TCN2: variants seen among roughly 807,000 people sequenced by gnomAD.
TCN2 encodes the protein transcobalamin 2, also known as transcobalamin-2.
A neutral mutation model predicts 48.6 loss-of-function variants in TCN2; 34 were observed. That is an observed-to-expected ratio of 0.70 (90% CI 0.53 to 0.93). The LOEUF (loss-of-function observed/expected upper bound fraction) is 0.93, where lower values mean the gene tolerates loss of function less well. TCN2 is among the 40% of genes least tolerant of loss of function. TCN2 has a pLI of 0.00. For synonymous variants in TCN2, 283 were observed against 212.5 expected, an observed-to-expected ratio of 1.33 and a Z score of -2.89; for missense variants, 652 against 526.1, an observed-to-expected ratio of 1.24 and a Z score of -2.34.
At position 30,610,876 on chromosome 22, in the gene TCN2, C is replaced by A. The variant is rs755866662; in HGVS notation, c.70C>A (p.Pro24Thr). Residue 24 changes from proline (P) to threonine (T), a missense_variant, in exon 2 of 9, where the codon CCA becomes ACA. Coordinates refer to ENST00000215838, the MANE Select transcript of TCN2 (RefSeq NM_000355.4). ...LGALTEMCEIPEMDSHLVEKL... is the reference protein window; with the variant it reads ...LGALTEMCEITEMDSHLVEKL... ...GTACCATTTTCTTTTCTAAGAAATA[C>A]CAGAGATGGACAGCCATCTGGTAGA... is the stretch of plus-strand genomic sequence containing the variant. 2.2e-5 allele frequency: 36 copies of A among 1,614,000 alleles called. No homozygotes were observed. Among genetic ancestry groups the A allele is most frequent in the Non-Finnish European group, 2.8e-5 (33 of 1,180,024 alleles).
At position 30,612,975 on chromosome 22, in the gene TCN2, G is replaced by A. The variant is rs115272037; in HGVS notation, c.360G>A (p.Arg120=). The A allele has an allele frequency of 7.8e-4, 1,265 of 1,614,158 alleles. 7 individuals carry two copies. In the African/African-American group the frequency reaches 0.011, roughly 13 times the overall value. Residue 120 remains arginine (R), a synonymous_variant, in exon 3 of 9, where the codon AGG becomes AGA. Coordinates refer to ENST00000215838, the MANE Select transcript of TCN2 (RefSeq NM_000355.4). The stretch of plus-strand genomic sequence containing the variant: ...TCAGAGCCAACTGTGAGTTTGTCAG[G>A]GGCCACAAGGGGGACAGGCTGGTCT... ...LALRANCEFV[R]GHKGDRLVSQ... is the part of the protein sequence containing the mutation.
In TCN2 at chr22:30,626,518, G is replaced by A. The variant is rs2087813398; in HGVS notation, c.1281G>A (p.Trp427Ter). The change falls in exon 9 of 9, where the codon TGG becomes TGA. Residue 427 changes from tryptophan to a stop codon, truncating the protein, a stop_gained. Transcript: ENST00000215838. LOFTEE classifies it high-confidence loss of function. ...GETIELRLVS[W>*] ...CCATTGAGCTGAGGCTGGTTAGCTG[G>A]TAGCCCCTGAGCTCCCTCATCCCAG... 6.2e-7 allele frequency: 1 copy of A among 1,613,890 alleles called. No individual in the cohort carries two copies. Among genetic ancestry groups the A allele is most frequent in the Non-Finnish European group, 8.5e-7 (1 of 1,180,016 alleles).
Position 30,624,023 on chromosome 22 carries a change from CATATATATGTAT to C in TCN2, c.1222+942_1222+953del, listed in dbSNP as rs1423781760. On this transcript the variant is annotated intron_variant, in intron 8 of 8. Coordinates refer to ENST00000215838, the MANE Select transcript of TCN2 (RefSeq NM_000355.4). ...ATATATATGTATACATATATACACA[CATATATATGTAT>C]ACATATATACACACACACACACACA... Among the ~76,000 whole-genome samples the C allele has an allele frequency of 2.7e-4, 15 of 54,838 alleles. 4 individuals are homozygous for C. The African/African-American group carries it at 3.6e-3, about 13-fold the overall frequency. The allele number at this position is 54,838 out of a possible 152,430, so 36.0% of individuals were successfully genotyped here. A position where few individuals can be genotyped will look rare whatever the true frequency, so the allele number is the denominator to read the frequency against.
chr22:30,625,015 A>G (rs1339492441), intron 8 of TCN2, among the ~76,000 whole-genome samples: 1 of 152,152 alleles, frequency 6.6e-6, no homozygotes, highest in African/African-American at 2.4e-5. Flanking sequence ...TCAGTAGTTC[A>G]AGACTAGCCT....
At chr22:30,620,530 A>G (rs913294021) in intron 7 of TCN2, among the ~76,000 whole-genome samples, 13 of 152,206 alleles carry the variant, frequency 8.5e-5, no homozygotes, top group South Asian at 2.1e-4. Flanking sequence ...CCTGTGGCCT[A>G]TGGCACATAA....
chr22:30,620,203 G>A (rs1387933159), intron 7 of TCN2, among the ~76,000 whole-genome samples: 1 of 151,688 alleles, frequency 6.6e-6, no homozygotes, highest in Non-Finnish European at 1.5e-5. Flanking sequence ...TGTAATCCCA[G>A]CACTTTGGGA....
intron 7 of TCN2, among the ~76,000 whole-genome samples, chr22:30,619,550 G>T (rs1274569961): frequency 6.6e-6 from 1 of 152,220 alleles, no homozygotes; most frequent in Non-Finnish European, 1.5e-5. Context: ...GAAATAAGAT[G>T]AATGTAATTC....
chr22:30,622,137 A>G (rs5997707), intron 7 of TCN2, among the ~76,000 whole-genome samples: 9,593 of 152,186 alleles, frequency 0.063, 573 homozygotes, highest in African/African-American at 0.15. Flanking sequence ...ACTGGCATGA[A>G]CCACCACACC....
chr22:30,615,835 A>T, intron 6 of TCN2, 48 bp downstream of exon 6: 1 of 1,609,268 alleles, frequency 6.2e-7, no homozygotes, highest in Admixed American at 1.7e-5. Flanking sequence ...TCTGCTGCGC[A>T]CCCATTGACG....
rs765234343 is a variant in TCN2, at chr22:30,626,524, C to T, written c.*3C>T. On this transcript the variant is annotated 3_prime_UTR_variant, in exon 9 of 9. Coordinates refer to ENST00000215838, the MANE Select transcript of TCN2 (RefSeq NM_000355.4). ...AGCTGAGGCTGGTTAGCTGGTAGCC[C>T]CTGAGCTCCCTCATCCCAGCAGCCT... 9.3e-6 allele frequency: 15 copies of T among 1,613,912 alleles called. No individual in the cohort carries two copies. The East Asian group carries it at 1.8e-4, about 19-fold the overall frequency.
chr22:30,623,941 C>T (rs1439698138), intron 8 of TCN2, among the ~76,000 whole-genome samples: 2 of 90,688 alleles, frequency 2.2e-5, no homozygotes, highest in Non-Finnish European at 1.9e-5. Flanking sequence ...CATATATACA[C>T]ACACACATAT....
At position 30,615,458 on chromosome 22, in the gene TCN2, C is replaced by T. The variant is rs2087598830; in HGVS notation, c.738C>T (p.Thr246=). The part of the protein sequence containing the change: ...PEGHFGNVYS[T]PLALQFLMTS... The stretch of plus-strand genomic sequence containing the variant: ...GCCACTTTGGGAATGTCTACAGCAC[C>T]CCATTGGCATTACAGGTGGGAAAGA... The change falls in exon 5 of 9, where the codon ACC becomes ACT. Residue 246 remains threonine, a synonymous_variant. Coordinates refer to ENST00000215838, the MANE Select transcript of TCN2 (RefSeq NM_000355.4). 6.2e-7 allele frequency: 1 copy of T among 1,614,134 alleles called. No homozygotes were observed. Among genetic ancestry groups the T allele is most frequent in the Non-Finnish European group, 8.5e-7 (1 of 1,180,044 alleles).
intron 7 of TCN2, among the ~76,000 whole-genome samples, chr22:30,621,410 C>CCA (rs1219319401): frequency 3.9e-5 from 6 of 152,278 alleles, no homozygotes; most frequent in Non-Finnish European, 8.8e-5. Context: ...TTCCCTGTTA[C>CCA]TTTGACGGTC....
At position 30,626,473 on chromosome 22, in the gene TCN2, C is replaced by T. The variant is rs375447234; in HGVS notation, c.1236C>T (p.Tyr412=). The T allele has an allele frequency of 1.8e-4, 283 of 1,614,044 alleles. No homozygotes were observed. The highest frequency in any genetic ancestry group is 2.3e-4 in the Non-Finnish European group (270 of 1,180,028). Residue 412 remains tyrosine (Y), a synonymous_variant, in exon 9 of 9, where the codon TAC becomes TAT. Transcript: ENST00000215838. ...NTPLLQGIAD[Y]RPKDGETIEL... Reference sequence around the variant, plus strand: ...CTGTTTCTGCAGGTATTGCTGACTACAGACCCAAGGATGGAGAAACCATTG... The same window carrying T: ...CTGTTTCTGCAGGTATTGCTGACTATAGACCCAAGGATGGAGAAACCATTG...
chr22:30,615,336 C>G lies in TCN2; in HGVS notation c.616C>G (p.Leu206Val), dbSNP rs758284185. ...AAMAGLAFTC[L>V]KRSNFNPGRR... ...CATGGCAGGCTTGGCATTCACCTGT[C>G]TGAAGCGCTCAAACTTCAACCCTGG... Residue 206 changes from leucine (L) to valine (V), a missense_variant, in exon 5 of 9, where the codon CTG becomes GTG. Leu to Val is a conservative substitution (Grantham distance 32). Transcript: ENST00000215838. 6.2e-7 allele frequency: 1 copy of G among 1,614,224 alleles called. No homozygotes were observed. Among genetic ancestry groups the G allele is most frequent in the Non-Finnish European group, 8.5e-7 (1 of 1,180,040 alleles).
Position 30,610,920 on chromosome 22 carries a change from C to CT in TCN2, c.116dup (p.Leu39PhefsTer55). ...TGGTAGAGAAGTTGGGCCAGCACCTCTTACCTTGGATGGACCGGCTTTCCC... is the reference window on the plus strand; with the variant it reads ...TGGTAGAGAAGTTGGGCCAGCACCTCTTTACCTTGGATGGACCGGCTTTCCC... On this transcript the variant is annotated frameshift_variant, in exon 2 of 9. Coordinates refer to ENST00000215838, the MANE Select transcript of TCN2 (RefSeq NM_000355.4). LOFTEE classifies it high-confidence loss of function. 4 of 1,614,198 alleles carry CT rather than the reference C, an allele frequency of 2.5e-6. No homozygotes were observed. The highest frequency in any genetic ancestry group is 3.4e-6 in the Non-Finnish European group (4 of 1,180,046).
At chr22:30,626,435 C>A (rs775057364) in intron 8 of TCN2, 25 bp from the exon 9 acceptor site, 2 of 1,613,984 alleles carry the variant, frequency 1.2e-6, no homozygotes, top group Admixed American at 1.7e-5. Context: ...CAATTCGCCC[C>A]TCCTTGCTCA....
chr22:30,626,040 T>C (rs2087803919), intron 8 of TCN2, among the ~76,000 whole-genome samples: 1 of 152,096 alleles, frequency 6.6e-6, no homozygotes, highest in Admixed American at 6.6e-5. Flanking sequence ...AAATAACTTG[T>C]CCAGAGTCAC....
Position 30,626,896 on chromosome 22 carries a change from A to G in TCN2, c.*375A>G. 8.3e-6 allele frequency: 3 copies of G among 360,058 alleles called. No individual in the cohort carries two copies. The highest frequency in any genetic ancestry group is 2.6e-5 in the South Asian group (1 of 38,588). 22.3% of individuals were successfully genotyped at this position (360,058 alleles called of 1,614,324 possible). On this transcript the variant is annotated 3_prime_UTR_variant, in exon 9 of 9. Transcript: ENST00000215838. ...CGTTCTGTGGTTGGGGTCCTGCAAG[A>G]AGGCCTCCTCAGCCCGGGGGCTATG...
Sources: allele counts gnomAD v4.1 joint callset (sites outside exome capture counted in the v4.1 genomes callset), GRCh38; gene constraint gnomAD v4.1.1; transcripts MANE v1.5; gene names NCBI Gene and HGNC (gene_info 2026-07-23, HGNC 2026-07-21).